ANKRD12: variants seen among roughly 807,000 people sequenced by gnomAD.
ANKRD12 encodes the protein ankyrin repeat domain 12, also known as ankyrin repeat domain-containing protein 12.
A neutral mutation model predicts 183.4 loss-of-function variants in ANKRD12; 85 were observed. The observed-to-expected ratio is 0.46, with a 90% confidence interval of 0.39 to 0.56. The LOEUF is 0.56. Ranked by LOEUF, ANKRD12 falls within the 20% of genes least tolerant of loss-of-function variation. ANKRD12 has a pLI of 0.00. For missense variants in ANKRD12, 2,405 were observed against 2,357.1 expected (o/e 1.02, Z -0.42); for synonymous variants, 914 against 800.2 (o/e 1.14, Z -2.40).
At chr18:9,272,819 A>G (rs1333880955) in intron 10 of ANKRD12, among the ~76,000 whole-genome samples, 4 of 152,222 alleles carry the variant, frequency 2.6e-5, no homozygotes, top group African/African-American at 4.8e-5. Context: ...AATTAGGACC[A>G]TGTTTCTTTG....
Position 9,258,893 on chromosome 18 carries a change from C to G in ANKRD12, c.5626C>G (p.Leu1876Val). Residue 1876 changes from leucine to valine, a missense_variant, in exon 9 of 13, where the codon CTG (leucine) becomes GTG (valine). By Grantham distance (32) the Leu-to-Val change is conservative. Coordinates refer to ENST00000262126, the MANE Select transcript of ANKRD12 (RefSeq NM_015208.5). ...EYVTFNGSYL[L>V]DGNPLSKICI... ...TGTAACATTTAACGGATCATATCTCCTGGATGGAAACCCCTTAAGCAAGAT... is the reference window on the plus strand; with the variant it reads ...TGTAACATTTAACGGATCATATCTCGTGGATGGAAACCCCTTAAGCAAGAT... 6.2e-7 allele frequency: 1 copy of G among 1,611,662 alleles called. No homozygotes were observed. The highest frequency in any genetic ancestry group is 8.5e-7 in the Non-Finnish European group (1 of 1,178,708).
chr18:9,194,983 C>G (rs1456996659), intron 2 of ANKRD12, among the ~76,000 whole-genome samples: 1 of 152,116 alleles, frequency 6.6e-6, no homozygotes, highest in Non-Finnish European at 1.5e-5. Flanking sequence ...ATATACACAC[C>G]ATGGAACACT....
intron 2 of ANKRD12, among the ~76,000 whole-genome samples, chr18:9,192,497 T>C (rs1246381895): frequency 1.3e-5 from 2 of 152,178 alleles, no homozygotes; most frequent in Non-Finnish European, 2.9e-5. Flanking sequence ...TAATTTTGTA[T>C]CTTGTGCTGT....
Position 9,258,515 on chromosome 18 carries a change from A to T in ANKRD12, c.5248A>T (p.Ile1750Phe), listed in dbSNP as rs2038776203. 2 of 1,613,812 alleles carry T rather than the reference A, an allele frequency of 1.2e-6. No individual in the cohort carries two copies. The change falls in exon 9 of 13, where the codon ATT becomes TTT. Residue 1750 changes from isoleucine (I) to phenylalanine (F), a missense_variant. Physicochemically the swap from Ile to Phe is conservative, Grantham distance 21. Coordinates refer to ENST00000262126, the MANE Select transcript of ANKRD12 (RefSeq NM_015208.5). ...ANTMANQSKQ[I>F]LASCTLLSEK... ...TACAATGGCAAATCAAAGCAAACAG[A>T]TTCTTGCTAGCTGTACACTATTATC...
intron 12 of ANKRD12, among the ~76,000 whole-genome samples, 161 bp downstream of exon 12, chr18:9,279,805 C>T: frequency 6.6e-6 from 1 of 151,988 alleles, no homozygotes; most frequent in Admixed American, 6.6e-5. Flanking sequence ...ACCACAAGTC[C>T]ATTTTAAGGA....
chr18:9,247,285 C>T (rs890885809), intron 8 of ANKRD12, among the ~76,000 whole-genome samples: 1 of 150,646 alleles, frequency 6.6e-6, no homozygotes, highest in Non-Finnish European at 1.5e-5. Flanking sequence ...TTGAGACTAA[C>T]CTGGGCAACA....
At chr18:9,200,708 C>A (rs1427170583) in intron 3 of ANKRD12, 2 of 152,146 alleles carry the variant, frequency 1.3e-5, no homozygotes, top group Non-Finnish European at 1.5e-5. Context: ...AGAATTGTGA[C>A]CTTCAAGTGA....
chr18:9,174,197 G>T (rs575901754), intron 1 of ANKRD12, among the ~76,000 whole-genome samples: 1 of 152,172 alleles, frequency 6.6e-6, no homozygotes, highest in East Asian at 1.9e-4. Context: ...AATGGCAGCC[G>T]CCCCTCCCCC....
At position 9,275,589 on chromosome 18, in the gene ANKRD12, G is replaced by A; in HGVS notation, c.5829G>A (p.Leu1943=). The A allele has an allele frequency of 6.2e-7, 1 of 1,611,248 alleles. No homozygotes were observed. The highest frequency in any genetic ancestry group is 8.5e-7 in the Non-Finnish European group (1 of 1,177,958). Residue 1943 remains leucine, a synonymous_variant, in exon 11 of 13, where the codon TTG becomes TTA. Transcript: ENST00000262126. The part of the protein sequence containing the change: ...LRVHYRAART[L]ANQTLPFSAC... ...TTCATTACAGAGCTGCAAGAACATTGGCAAATCAAACACTGCCATTTAGTG... is the reference window on the plus strand; with the variant it reads ...TTCATTACAGAGCTGCAAGAACATTAGCAAATCAAACACTGCCATTTAGTG...
chr18:9,168,327 C>T (rs950984217), intron 1 of ANKRD12, among the ~76,000 whole-genome samples: 59 of 152,208 alleles, frequency 3.9e-4, no homozygotes, highest in Admixed American at 1.4e-3. Flanking sequence ...TGGTAGAATT[C>T]GGCTGTGAAT....
intron 8 of ANKRD12, among the ~76,000 whole-genome samples, chr18:9,242,663 A>C: frequency 6.6e-6 from 1 of 152,282 alleles, no homozygotes; most frequent in East Asian, 1.9e-4. Context: ...AAAATTCTTG[A>C]TTGATTATAG....
chr18:9,269,195 C>T (rs947517111), intron 10 of ANKRD12, among the ~76,000 whole-genome samples: 2 of 152,110 alleles, frequency 1.3e-5, no homozygotes, highest in Non-Finnish European at 2.9e-5. Context: ...GCCATACTGC[C>T]CAAGGTAATT....
At chr18:9,271,245 A>T (rs11877498) in intron 10 of ANKRD12, among the ~76,000 whole-genome samples, 113 of 152,154 alleles carry the variant, frequency 7.4e-4, no homozygotes, top group African/African-American at 2.1e-3. Context: ...CTAATTTTTT[A>T]AAAAAATTTT....
chr18:9,154,455 G>A (rs568013028), intron 1 of ANKRD12, among the ~76,000 whole-genome samples: 23 of 152,200 alleles, frequency 1.5e-4, no homozygotes, highest in Non-Finnish European at 2.6e-4. Flanking sequence ...AGGTGCAGAA[G>A]CACACACCTG....
intron 7 of ANKRD12, among the ~76,000 whole-genome samples, chr18:9,219,017 T>C (rs2036271766): frequency 6.6e-6 from 1 of 152,198 alleles, no homozygotes; most frequent in South Asian, 2.1e-4. Context: ...TAGATACGTA[T>C]CATCTTTTGT....
intron 1 of ANKRD12, among the ~76,000 whole-genome samples, chr18:9,152,091 G>A (rs931145478): frequency 6.6e-6 from 1 of 152,164 alleles, no homozygotes; most frequent in African/African-American, 2.4e-5. Context: ...TTTGGACTTT[G>A]CTCTCAGTTG....
At chr18:9,157,288 T>TA (rs979800648) in intron 1 of ANKRD12, among the ~76,000 whole-genome samples, 7 of 152,134 alleles carry the variant, frequency 4.6e-5, no homozygotes, top group Admixed American at 2.0e-4. Flanking sequence ...TATTTTATAA[T>TA]AAAGTGTTGA....
intron 8 of ANKRD12, among the ~76,000 whole-genome samples, chr18:9,248,119 T>C (rs2038070334): frequency 1.3e-5 from 2 of 152,344 alleles, no homozygotes; most frequent in African/African-American, 2.4e-5. Context: ...TTTTTTCAAG[T>C]GTTTTCTTAC....
Position 9,258,480 on chromosome 18 carries a change from A to G in ANKRD12, c.5213A>G (p.Asn1738Ser). Reference protein sequence around the residue: ...ENQIPQRMTRNKANTMANQSK... With the variant: ...ENQIPQRMTRSKANTMANQSK... ...CAAATCCCTCAAAGAATGACTAGAA[A>G]CAAAGCAAATACAATGGCAAATCAA... is the stretch of plus-strand genomic sequence containing the variant. The change falls in exon 9 of 13, where the codon AAC becomes AGC. Residue 1738 changes from asparagine (N) to serine (S), a missense_variant. Transcript: ENST00000262126. 6.2e-7 allele frequency: 1 copy of G among 1,613,832 alleles called. No individual in the cohort carries two copies. The highest frequency in any genetic ancestry group is 8.5e-7 in the Non-Finnish European group (1 of 1,179,956).
Sources: allele counts gnomAD v4.1 joint callset (sites outside exome capture counted in the v4.1 genomes callset), GRCh38; gene constraint gnomAD v4.1.1; transcripts MANE v1.5; gene names NCBI Gene and HGNC (gene_info 2026-07-23, HGNC 2026-07-21).